RBM34: variants seen among roughly 807,000 people sequenced by gnomAD.
RBM34 encodes the protein RNA binding motif protein 34, also known as RNA-binding protein 34.
A neutral mutation model predicts 44.6 loss-of-function variants in RBM34; 39 were observed. The observed-to-expected ratio is 0.87, with a 90% CI of 0.68 to 1.14. The LOEUF (loss-of-function observed/expected upper bound fraction) is 1.14, where lower values mean the gene tolerates loss of function less well. RBM34 is among the 50% of genes most tolerant of loss of function. The pLI, the probability that RBM34 is intolerant of heterozygous loss-of-function variation, is 0.00. For synonymous variants in RBM34, 194 were observed against 184.0 expected, an observed-to-expected ratio of 1.05 and a Z score of -0.44; for missense variants, 572 against 517.9, an observed-to-expected ratio of 1.10 and a Z score of -1.01.
chr1:235,137,317 G>A (rs1281696944), intron 8 of RBM34, among the ~76,000 whole-genome samples: 3 of 152,182 alleles, frequency 2.0e-5, no homozygotes. Context: ...TAATGTGTTA[G>A]ACCAGATGAT....
chr1:235,144,974 C>T (rs529020844), intron 6 of RBM34, among the ~76,000 whole-genome samples: 12 of 152,126 alleles, frequency 7.9e-5, no homozygotes, highest in African/African-American at 1.4e-4. Flanking sequence ...ACCAGGGAGG[C>T]GGAGATTACG....
chr1:235,159,485 T>C (rs183104856), intron 3 of RBM34, among the ~76,000 whole-genome samples: 174 of 151,100 alleles, frequency 1.2e-3, no homozygotes, highest in African/African-American at 4.1e-3. Flanking sequence ...GAGGCGGAGG[T>C]TGCAGTGAGT....
chr1:235,142,796 C>T (rs977890788), intron 6 of RBM34, among the ~76,000 whole-genome samples: 6 of 151,162 alleles, frequency 4.0e-5, no homozygotes, highest in Non-Finnish European at 7.4e-5. Context: ...AGTGTGGTGG[C>T]GCACGCTTGT....
chr1:235,136,180 T>C (rs893533693), intron 8 of RBM34, 107 bp from the exon 9 acceptor site: 9 of 868,356 alleles, frequency 1.0e-5, no homozygotes, highest in Non-Finnish European at 1.1e-5. Context: ...AGGTCACCCA[T>C]CTTCTAATTT....
At chr1:235,154,115 G>A (rs373263386) in intron 4 of RBM34, among the ~76,000 whole-genome samples, 2 of 152,030 alleles carry the variant, frequency 1.3e-5, no homozygotes, top group South Asian at 2.1e-4. Flanking sequence ...GCGTGGTGGC[G>A]GGCGCTTGTA....
At chr1:235,150,890 A>AG (rs1662129521) in intron 5 of RBM34, among the ~76,000 whole-genome samples, 1 of 152,046 alleles carries the variant, frequency 6.6e-6, no homozygotes, top group Non-Finnish European at 1.5e-5. Context: ...GGCTCCCCAA[A>AG]GGGGAGAAGG....
Position 235,161,243 on chromosome 1 carries a change from C to G in RBM34, c.-17G>C. ...CAAGGCCATTCTTACTCCAAAGACTCCCAGACTGCAGCTGCGCGCCAGCTC... is the reference window on the plus strand; with the variant it reads ...CAAGGCCATTCTTACTCCAAAGACTGCCAGACTGCAGCTGCGCGCCAGCTC... On this transcript the variant is annotated 5_prime_UTR_variant, in exon 1 of 11. Transcript: ENST00000408888. 5 of 1,613,442 alleles carry G rather than the reference C, an allele frequency of 3.1e-6. No individual in the cohort carries two copies. Among genetic ancestry groups the G allele is most frequent in the Non-Finnish European group, 4.2e-6 (5 of 1,179,806 alleles).
At chr1:235,151,112 G>A (rs1285178407) in intron 5 of RBM34, among the ~76,000 whole-genome samples, 1 of 152,198 alleles carries the variant, frequency 6.6e-6, no homozygotes, top group Non-Finnish European at 1.5e-5. Flanking sequence ...AGGAGGTAAT[G>A]AGAACTTAGG....
intron 6 of RBM34, among the ~76,000 whole-genome samples, chr1:235,143,628 C>T (rs1661778437): frequency 6.6e-6 from 1 of 152,094 alleles, no homozygotes; most frequent in Non-Finnish European, 1.5e-5. Context: ...ATCCCAGCTG[C>T]TTGGGAGGCT....
intron 3 of RBM34, among the ~76,000 whole-genome samples, chr1:235,157,648 G>A (rs1662507743): frequency 6.6e-6 from 1 of 152,150 alleles, no homozygotes; most frequent in Admixed American, 6.5e-5. Context: ...CCAAGAATGA[G>A]ACCCCTGAGG....
intron 6 of RBM34, among the ~76,000 whole-genome samples, chr1:235,138,389 T>C (rs1052421590): frequency 6.6e-6 from 1 of 152,236 alleles, no homozygotes; most frequent in Non-Finnish European, 1.5e-5. Flanking sequence ...CAACCCATAC[T>C]TTCTTAGGAA....
chr1:235,155,002 T>C lies in RBM34; in HGVS notation c.476A>G (p.Asp159Gly). 6.2e-7 allele frequency: 1 copy of C among 1,614,108 alleles called. No individual in the cohort carries two copies. Among genetic ancestry groups the C allele is most frequent in the Non-Finnish European group, 8.5e-7 (1 of 1,179,976 alleles). The change falls in exon 4 of 11, where the codon GAT becomes GGT. Residue 159 changes from aspartate to glycine, a missense_variant. Coordinates refer to ENST00000408888, the MANE Select transcript of RBM34 (RefSeq NM_015014.4). ...ACTGACAACTGTGTCTTCTGTGTCA[T>C]CAAGTATTTTTCTATCTGCTACTTT... is the stretch of plus-strand genomic sequence containing the variant. ...GVKVADRKIL[D>G]DTEDTVVSQR... is the part of the protein sequence containing the mutation.
intron 5 of RBM34, 37 bp from the exon 6 acceptor site, chr1:235,148,484 T>A (rs757466416): frequency 3.4e-6 from 5 of 1,490,062 alleles, no homozygotes; most frequent in Non-Finnish European, 4.6e-6. Context: ...AAGACAGTAT[T>A]TGAAGTATTA....
chr1:235,132,486 T>G (rs2102820699), intron 10 of RBM34, among the ~76,000 whole-genome samples: 1 of 152,236 alleles, frequency 6.6e-6, no homozygotes, highest in East Asian at 1.9e-4. Context: ...TTTTTGTATT[T>G]TTAGTAGAGA....
intron 4 of RBM34, 61 bp downstream of exon 4, chr1:235,154,820 A>C: frequency 7.6e-7 from 1 of 1,321,030 alleles, no homozygotes; most frequent in Non-Finnish European, 1.1e-6. Flanking sequence ...TTGAATGCTT[A>C]TTCAACACAG....
At chr1:235,158,020 T>C (rs945337542) in intron 3 of RBM34, among the ~76,000 whole-genome samples, 2 of 150,868 alleles carry the variant, frequency 1.3e-5, no homozygotes, top group Admixed American at 6.6e-5. Context: ...GTGGGAATGG[T>C]AGCAAACAGA....
At chr1:235,141,794 C>G (rs1340829608) in intron 6 of RBM34, among the ~76,000 whole-genome samples, 6 of 152,176 alleles carry the variant, frequency 3.9e-5, no homozygotes, top group African/African-American at 1.4e-4. Flanking sequence ...CTGCGAAGGT[C>G]TGCAGCTTTA....
intron 3 of RBM34, among the ~76,000 whole-genome samples, chr1:235,156,399 T>TG (rs1379032334): frequency 1.3e-5 from 2 of 152,198 alleles, no homozygotes; most frequent in Non-Finnish European, 2.9e-5. Flanking sequence ...TTAAAGCTCT[T>TG]GGAGATTTAG....
chr1:235,160,527 T>C lies in RBM34; in HGVS notation c.349A>G (p.Lys117Glu). The C allele has an allele frequency of 6.2e-7, 1 of 1,609,904 alleles. No individual in the cohort carries two copies. Among genetic ancestry groups the C allele is most frequent in the Non-Finnish European group, 8.5e-7 (1 of 1,179,088 alleles). Residue 117 changes from lysine (K) to glutamate (E), a missense_variant, in exon 3 of 11, where the codon AAA becomes GAA. By Grantham distance (56) the Lys-to-Glu change is moderately conservative. Transcript: ENST00000408888. ...KAKKKHTNAE[K>E]KLADRESALA... ...TTTACCAACCTGTCTGCCAACTTTT[T>C]TTCTGCGTTAGTGTGTTTCTTCTTC...
Sources: gnomAD v4.1 joint callset for allele counts (sites outside exome capture counted in the v4.1 genomes callset) on GRCh38, gnomAD v4.1.1 for gene constraint, MANE v1.5 for transcripts, NCBI Gene and HGNC (gene_info 2026-07-23, HGNC 2026-07-21) for gene names.